The following PHF20 variants were observed in gnomAD, a reference collection of about 807,000 sequenced individuals.
PHF20 encodes glioma-expressed antigen 2.
Under a neutral mutation model 113.5 loss-of-function variants are expected in PHF20, and 23 were observed. The observed-to-expected ratio is 0.20, with a 90% CI of 0.15 to 0.29. PHF20 has a LOEUF of 0.29. Ranked by LOEUF, PHF20 falls within the 10% of genes least tolerant of loss-of-function variation. PHF20 has a pLI of 1.00. For synonymous variants in PHF20, 434 were observed against 457.3 expected, an observed-to-expected ratio of 0.95 and a Z score of 0.65; for missense variants, 943 against 1,219.6, an observed-to-expected ratio of 0.77 and a Z score of 3.38.
At chr20:35,869,374 T>C (rs923476041) in intron 6 of PHF20, 64 bp from the exon 7 acceptor site, 22 of 769,108 alleles carry the variant, frequency 2.9e-5, no homozygotes, top group Middle Eastern at 3.3e-4. Context: ...TTTATTTATA[T>C]ATAAAAATGA....
At chr20:35,922,123 C>G (rs2055529071) in intron 13 of PHF20, among the ~76,000 whole-genome samples, 1 of 152,172 alleles carries the variant, frequency 6.6e-6, no homozygotes, top group Admixed American at 6.6e-5. Flanking sequence ...CTCCTGCTTC[C>G]CAGGCTCCAC....
intron 4 of PHF20, chr20:35,853,390 C>T (rs1010423985): frequency 2.0e-5 from 3 of 152,116 alleles, no homozygotes; most frequent in African/African-American, 7.2e-5. Flanking sequence ...GAAAACCCTC[C>T]GTTTTCCATC....
intron 9 of PHF20, among the ~76,000 whole-genome samples, chr20:35,886,139 C>CTT (rs199904992): frequency 4.4e-5 from 6 of 137,460 alleles, no homozygotes; most frequent in African/African-American, 5.5e-5. Flanking sequence ...TCAGTAAATA[C>CTT]TTTTTTTTTT....
rs1219274142 is a variant in PHF20 at position 35,899,606 on chromosome 20, C to G, written c.1519C>G (p.Gln507Glu). 6.2e-7 allele frequency: 1 copy of G among 1,614,042 alleles called. No individual in the cohort carries two copies. Among genetic ancestry groups the G allele is most frequent in the Non-Finnish European group, 8.5e-7 (1 of 1,180,026 alleles). Residue 507 changes from glutamine to glutamate, a missense_variant, in exon 10 of 18, where the codon CAG becomes GAG. Physicochemically the swap from Gln to Glu is conservative, Grantham distance 29. Coordinates refer to ENST00000374012, the MANE Select transcript of PHF20 (RefSeq NM_016436.5). ...CCCTTCAGCTTCAGACAAGCCCAGC[C>G]AGGAGACCCTGACCAGGAAGCGGGT... ...RGPSASDKPS[Q>E]ETLTRKRVSA...
chr20:35,782,631 G>A (rs930649435), intron 1 of PHF20: 6 of 152,198 alleles, frequency 3.9e-5, no homozygotes, highest in African/African-American at 1.4e-4. Flanking sequence ...TGAGGATGTA[G>A]GATTTGGAGG....
chr20:35,887,548 A>T (rs557620394), intron 9 of PHF20: 2 of 152,310 alleles, frequency 1.3e-5, no homozygotes, highest in African/African-American at 4.8e-5. Context: ...TGTTTCACTA[A>T]GACAGCAAGG....
intron 15 of PHF20, 46 bp downstream of exon 15, chr20:35,931,490 T>G (rs768270358): frequency 1.4e-6 from 2 of 1,460,372 alleles, no homozygotes; most frequent in South Asian, 2.5e-5. Context: ...TTTGGCATGG[T>G]CTGGGGGCTG....
At chr20:35,878,613 G>T in intron 9 of PHF20, 1 of 769,250 alleles carries the variant, frequency 1.3e-6, no homozygotes, top group Non-Finnish European at 2.4e-6. Context: ...AAGAGCAGGG[G>T]AAATACTAAA....
chr20:35,791,611 A>AT (rs1327050976), intron 1 of PHF20, among the ~76,000 whole-genome samples: 1 of 150,778 alleles, frequency 6.6e-6, no homozygotes, highest in Non-Finnish European at 1.5e-5. Flanking sequence ...TTGTCATAAA[A>AT]TAACCACTGA....
intron 9 of PHF20, among the ~76,000 whole-genome samples, chr20:35,894,996 C>T (rs968733524): frequency 9.2e-5 from 14 of 152,016 alleles, no homozygotes; most frequent in Admixed American, 5.9e-4. Flanking sequence ...GCTGGATCTA[C>T]AGGCGCGCAC....
chr20:35,798,912 C>T (rs1406957483), intron 1 of PHF20, among the ~76,000 whole-genome samples: 1 of 152,118 alleles, frequency 6.6e-6, no homozygotes, highest in Non-Finnish European at 1.5e-5. Flanking sequence ...TAAGCCTGAG[C>T]CACCTCATCT....
At chr20:35,889,292 G>A (rs1333327752) in intron 9 of PHF20, among the ~76,000 whole-genome samples, 1 of 151,962 alleles carries the variant, frequency 6.6e-6, no homozygotes, top group African/African-American at 2.4e-5. Context: ...GAGATTATAG[G>A]CGTGAGCCAC....
intron 9 of PHF20, among the ~76,000 whole-genome samples, chr20:35,879,784 A>AG (rs2054594057): frequency 2.1e-5 from 2 of 93,086 alleles, no homozygotes; most frequent in South Asian, 6.8e-4. Context: ...CCATCTCTCC[A>AG]AAAAAAAAAA....
At position 35,853,221 on chromosome 20, in the gene PHF20, A is replaced by AG. The variant is rs1240780164; in HGVS notation, c.341-5081_341-5080insG. 3.1e-5 allele frequency: 3 copies of AG among 95,576 alleles called. No homozygotes were observed. In the South Asian group the frequency reaches 1.6e-3, roughly 51 times the overall value. 5.9% of individuals were successfully genotyped at this position (95,576 alleles called of 1,614,324 possible). ...TGGGCAACAGAGCAAGACTCGTCTC[A>AG]AAAAAAAAAAAAAAAGAAAGAAAAA... On this transcript the variant is annotated intron_variant, in intron 4 of 17. Transcript: ENST00000374012.
At chr20:35,806,859 G>A (rs536996698) in intron 2 of PHF20, among the ~76,000 whole-genome samples, 51 of 142,250 alleles carry the variant, frequency 3.6e-4, no homozygotes, top group Admixed American at 3.8e-4. Context: ...GCAGTGGCAC[G>A]ATCTTGGCTC....
intron 4 of PHF20, chr20:35,850,759 A>G: frequency 1.6e-6 from 1 of 627,528 alleles, no homozygotes; most frequent in Non-Finnish European, 2.9e-6. Flanking sequence ...ATATATGTCC[A>G]CATAGCAATA....
chr20:35,881,133 C>T (rs1456301784), intron 9 of PHF20, among the ~76,000 whole-genome samples: 1 of 137,744 alleles, frequency 7.3e-6, no homozygotes, highest in Non-Finnish European at 1.5e-5. Context: ...TTTCTGCTCA[C>T]TGCAACCTTC....
At chr20:35,821,815 C>T (rs75742093) in intron 2 of PHF20, among the ~76,000 whole-genome samples, 7,271 of 152,102 alleles carry the variant, frequency 0.048, 214 homozygotes, top group African/African-American at 0.089. Context: ...AAGTGATCAG[C>T]GTCTGTATAA....
intron 2 of PHF20, among the ~76,000 whole-genome samples, chr20:35,829,278 T>G (rs999214962): frequency 1.3e-5 from 2 of 152,178 alleles, no homozygotes; most frequent in African/African-American, 4.8e-5. Context: ...TGCAGTACAG[T>G]TCTGTAGCGT....
Sources: gnomAD v4.1 joint callset for allele counts (sites outside exome capture counted in the v4.1 genomes callset) on GRCh38, gnomAD v4.1.1 for gene constraint, MANE v1.5 for transcripts, NCBI Gene and HGNC (gene_info 2026-07-23, HGNC 2026-07-21) for gene names.